BSCL2: variants seen among roughly 807,000 people sequenced by gnomAD.
BSCL2 encodes seipin.
In BSCL2, 41 loss-of-function variants were observed where a neutral mutation model predicts 57.4. The observed-to-expected ratio is 0.71, with a 90% CI of 0.56 to 0.93. The LOEUF (loss-of-function observed/expected upper bound fraction) is 0.93, where lower values mean the gene tolerates loss of function less well. Ranked by LOEUF, BSCL2 falls within the 40% of genes least tolerant of loss-of-function variation. The pLI is 0.00. For missense variants in BSCL2, 539 were observed against 586.7 expected (o/e 0.92, Z 0.84); for synonymous variants, 237 against 227.3 (o/e 1.04, Z -0.38).
intron 2 of BSCL2, among the ~76,000 whole-genome samples, chr11:62,703,513 C>T (rs534434376): frequency 2.0e-5 from 3 of 151,498 alleles, no homozygotes; most frequent in South Asian, 4.2e-4. Flanking sequence ...CCACCACGCC[C>T]GGCTAATTTT....
chr11:62,704,218 G>A (rs1464035895), intron 2 of BSCL2, among the ~76,000 whole-genome samples: 19 of 151,170 alleles, frequency 1.3e-4, no homozygotes, highest in African/African-American at 4.1e-4. Context: ...AGGCCAAGGC[G>A]GATGGATCAC....
At chr11:62,708,305 G>C, upstream of BSCL2, 1 of 1,610,978 alleles carries the variant, frequency 6.2e-7, no homozygotes, top group Non-Finnish European at 8.5e-7. Context: ...GATGAAAGGT[G>C]AGACCCCGGT....
At chr11:62,708,016 C>G (rs1187833544), upstream of BSCL2, 3 of 464,392 alleles carry the variant, frequency 6.5e-6, no homozygotes, top group Non-Finnish European at 1.2e-5. Flanking sequence ...GAGCTGGGAA[C>G]ACACATGGTT....
At chr11:62,705,213 C>T (rs2083507031) in intron 2 of BSCL2, 88 bp downstream of exon 2, 1 of 1,376,420 alleles carries the variant, frequency 7.3e-7, no homozygotes, top group Non-Finnish European at 1.0e-6. Context: ...TTTTCCTTAT[C>T]TGTAAATGAG....
At chr11:62,702,259 T>G (rs1945663922) in intron 3 of BSCL2, among the ~76,000 whole-genome samples, 1 of 151,810 alleles carries the variant, frequency 6.6e-6, no homozygotes, top group Middle Eastern at 3.2e-3. Context: ...AGAGACGGGG[T>G]TTCTCCGCGT....
chr11:62,699,963 T>C (rs377094271), intron 3 of BSCL2, among the ~76,000 whole-genome samples: 118 of 151,458 alleles, frequency 7.8e-4, no homozygotes, highest in African/African-American at 2.7e-3. Flanking sequence ...ATTACAGGCG[T>C]GAGCCACCAC....
intron 1 of BSCL2, chr11:62,706,292 G>A (rs1164725640): frequency 7.2e-6 from 8 of 1,110,490 alleles, no homozygotes; most frequent in South Asian, 2.0e-5. Flanking sequence ...ACCGTGAGAC[G>A]GGACTTCCGG....
rs894136605 is a variant in BSCL2, at chr11:62,705,598, G to A, written c.107C>T (p.Ser36Phe). The change falls in exon 2 of 11, where the codon TCC (serine) becomes TTC (phenylalanine). Residue 36 changes from serine (S) to phenylalanine (F), a missense_variant. Coordinates refer to ENST00000360796, the MANE Select transcript of BSCL2 (RefSeq NM_001122955.4). ...ACCTGGACGCCACCCCTGGCCATGG[G>A]ATGCAGCAGCTGGTGGTTCCTGGAA... ...DKEEEPPAAASHGQGWRPGGR... is the reference protein window; with the variant it reads ...DKEEEPPAAAFHGQGWRPGGR... 3 of 1,548,350 alleles carry A rather than the reference G, an allele frequency of 1.9e-6. No individual in the cohort carries two copies. In the African/African-American group the frequency reaches 4.1e-5, roughly 21 times the overall value.
chr11:62,707,088 T>C, intron 1 of BSCL2, 21 bp downstream of exon 1: 1 of 1,547,936 alleles, frequency 6.5e-7, no homozygotes, highest in Non-Finnish European at 8.7e-7. Context: ...TTCTGCTGAC[T>C]GTCCCCACAA....
chr11:62,707,151 T>G lies in BSCL2; in HGVS notation c.45A>C (p.Lys15Asn). The G allele has an allele frequency of 6.4e-7, 1 of 1,554,710 alleles. No individual in the cohort carries two copies. Among genetic ancestry groups the G allele is most frequent in the African/African-American group, 1.4e-5 (1 of 73,520 alleles). Residue 15 changes from lysine (K) to asparagine (N), a missense_variant, in exon 1 of 11, where the codon AAA (lysine) becomes AAC (asparagine). Transcript: ENST00000360796. ...CTTTGATCTGGTCTCCGCACACCTC[T>G]TTTTCCCCAGCTTCCTCCTTTTGGT... is the stretch of plus-strand genomic sequence containing the variant. ...KVDQKEEAGE[K>N]EVCGDQIKGP...
intron 1 of BSCL2, chr11:62,706,332 G>T (rs1357138888): frequency 2.1e-5 from 23 of 1,119,638 alleles, no homozygotes; most frequent in Non-Finnish European, 2.6e-5. Flanking sequence ...CCTCTCCGCC[G>T]GCCGCTTTTG....
rs1945271339 is a variant in BSCL2 at position 62,690,331 on chromosome 11, G to C, written c.*36C>G. On this transcript the variant is annotated 3_prime_UTR_variant, in exon 11 of 11. Transcript: ENST00000360796. ...AAACGAGGGGAGAGGAGTCAGGTGG[G>C]AAAGTGCTGGAATGTGAGGAGTCTG... 1.2e-6 allele frequency: 2 copies of C among 1,613,374 alleles called. No individual in the cohort carries two copies. The highest frequency in any genetic ancestry group is 8.5e-7 in the Non-Finnish European group (1 of 1,179,984).
upstream of BSCL2, chr11:62,709,031 T>G: frequency 3.8e-6 from 2 of 532,158 alleles, no homozygotes; most frequent in Non-Finnish European, 6.9e-6. Flanking sequence ...GAGGCACCCT[T>G]TGCTCCACCC....
Position 62,702,539 on chromosome 11 carries a change from C to G in BSCL2, c.415G>C (p.Asp139His). 4 of 1,611,716 alleles carry G rather than the reference C, an allele frequency of 2.5e-6. No individual in the cohort carries two copies. The highest frequency in any genetic ancestry group is 3.4e-6 in the Non-Finnish European group (4 of 1,178,366). Reference sequence around the variant, plus strand: ...GAGCAGAGTGAGGTGGTGGAGGAATCACAGTCGGTCCTAAATGAGATTGGA... The same window carrying G: ...GAGCAGAGTGAGGTGGTGGAGGAATGACAGTCGGTCCTAAATGAGATTGGA... ...PVHFYYRTDC[D>H]SSTTSLCSFP... Residue 139 changes from aspartate (D) to histidine (H), a missense_variant, in exon 3 of 11, where the codon GAT becomes CAT. Coordinates refer to ENST00000360796, the MANE Select transcript of BSCL2 (RefSeq NM_001122955.4).
upstream of BSCL2, chr11:62,708,378 G>A (rs770085235): frequency 1.9e-6 from 3 of 1,612,420 alleles, no homozygotes; most frequent in Admixed American, 1.7e-5. Flanking sequence ...ATTGAAGCCA[G>A]CTTGTGTCGG....
Position 62,705,533 on chromosome 11 carries a change from TG to T in BSCL2, c.171del (p.Arg58AspfsTer98). 6.2e-7 allele frequency: 1 copy of T among 1,612,652 alleles called. No individual in the cohort carries two copies. ...ACCATGGCCGGGAGAGCAGGGTGTCTGGCCCCAGGTTCAGGCCTTGCGTTCC... is the reference window on the plus strand; with the variant it reads ...ACCATGGCCGGGAGAGCAGGGTGTCTGCCCCAGGTTCAGGCCTTGCGTTCC... The part of the protein sequence containing the change: ...AARNARPEPG[A>X]RHPALPAMVN... On this transcript the variant is annotated frameshift_variant, in exon 2 of 11. Coordinates refer to ENST00000360796, the MANE Select transcript of BSCL2 (RefSeq NM_001122955.4). LOFTEE classifies it high-confidence loss of function.
chr11:62,707,982 C>T (rs897683401), upstream of BSCL2: 1 of 395,910 alleles, frequency 2.5e-6, no homozygotes, highest in Admixed American at 3.6e-5. Context: ...GTGCCCTCCT[C>T]ATCAGGGTTG....
intron 2 of BSCL2, among the ~76,000 whole-genome samples, chr11:62,703,603 G>A (rs150788866): frequency 1.8e-4 from 27 of 150,746 alleles, no homozygotes; most frequent in African/African-American, 6.6e-4. Context: ...CGCCTGCCTC[G>A]GCCTCCCAAA....
intron 4 of BSCL2, among the ~76,000 whole-genome samples, chr11:62,693,706 C>T (rs1945371552): frequency 6.6e-6 from 1 of 152,156 alleles, no homozygotes; most frequent in East Asian, 1.9e-4. Context: ...GGCTCTAAAG[C>T]CTGTTTTCTG....
Sources: gnomAD v4.1 joint callset for allele counts (sites outside exome capture counted in the v4.1 genomes callset) on GRCh38, gnomAD v4.1.1 for gene constraint, MANE v1.5 for transcripts, NCBI Gene and HGNC (gene_info 2026-07-23, HGNC 2026-07-21) for gene names.